Variants in PNLIP observed in about 807,000 individuals in gnomAD.
PNLIP encodes pancreatic triacylglycerol lipase.
A neutral mutation model predicts 57.1 loss-of-function variants in PNLIP; 49 were observed. That is an observed-to-expected ratio of 0.86 (90% CI 0.68 to 1.09). The LOEUF is 1.09. PNLIP is among the 50% of genes least tolerant of loss of function. PNLIP has a pLI of 0.00. For synonymous variants in PNLIP, 209 were observed against 200.4 expected (o/e 1.04, Z -0.36); for missense variants, 503 against 570.2 (o/e 0.88, Z 1.20).
chr10:116,555,615 AC>A, intron 8 of PNLIP, 108 bp downstream of exon 8: 1 of 1,232,330 alleles, frequency 8.1e-7, no homozygotes, highest in South Asian at 1.5e-5. Context: ...ATTTTACATA[AC>A]AAAAGACTTT....
intron 12 of PNLIP, among the ~76,000 whole-genome samples, chr10:116,562,521 T>C (rs1025712198): frequency 1.3e-5 from 2 of 152,106 alleles, no homozygotes; most frequent in African/African-American, 2.4e-5. Context: ...TTCAGTGGAC[T>C]CCTTAAGTTA....
At chr10:116,562,196 A>C (rs1230827850) in intron 12 of PNLIP, among the ~76,000 whole-genome samples, 1 of 152,200 alleles carries the variant, frequency 6.6e-6, no homozygotes, top group African/African-American at 2.4e-5. Context: ...AGTATTTCTG[A>C]GTATTAGGCC....
At position 116,560,468 on chromosome 10, in the gene PNLIP, C is replaced by T. The variant is rs981577414; in HGVS notation, c.1113C>T (p.His371=). 7 of 1,604,230 alleles carry T rather than the reference C, an allele frequency of 4.4e-6. No homozygotes were observed. Among genetic ancestry groups the T allele is most frequent in the African/African-American group, 4.1e-5 (3 of 74,074 alleles). Reference sequence around the variant, plus strand: ...TGTCTGGAAAAAAGGTTACAGGACACATACTAGTTTCTTTGTTCGGAAATA... The same window carrying T: ...TGTCTGGAAAAAAGGTTACAGGACATATACTAGTTTCTTTGTTCGGAAATA... ...VTLSGKKVTG[H]ILVSLFGNKG... Residue 371 remains histidine, a synonymous_variant, in exon 11 of 13, where the codon CAC becomes CAT. Coordinates refer to ENST00000369221, the MANE Select transcript of PNLIP (RefSeq NM_000936.4).
In PNLIP at chr10:116,551,126, G is replaced by C. The variant is rs753244681; in HGVS notation, c.353G>C (p.Cys118Ser). The part of the protein sequence containing the change: ...KNLFKVESVN[C>S]ICVDWKGGSR... ...CTGTTCAAGGTGGAAAGTGTGAACTGTATCTGTGTGGACTGGAAAGGTGGC... is the reference window on the plus strand; with the variant it reads ...CTGTTCAAGGTGGAAAGTGTGAACTCTATCTGTGTGGACTGGAAAGGTGGC... Residue 118 changes from cysteine to serine, a missense_variant, in exon 5 of 13, where the codon TGT becomes TCT. Coordinates refer to ENST00000369221, the MANE Select transcript of PNLIP (RefSeq NM_000936.4). 1 of 1,610,662 alleles carries C rather than the reference G, an allele frequency of 6.2e-7. No homozygotes were observed. Among genetic ancestry groups the C allele is most frequent in the Non-Finnish European group, 8.5e-7 (1 of 1,178,150 alleles).
At chr10:116,556,875 A>C (rs972046325) in intron 9 of PNLIP, among the ~76,000 whole-genome samples, 5 of 152,348 alleles carry the variant, frequency 3.3e-5, no homozygotes, top group African/African-American at 1.2e-4. Flanking sequence ...CTTAGTGATT[A>C]AGAGAGAGGA....
At chr10:116,556,865 C>A (rs961906162) in intron 9 of PNLIP, among the ~76,000 whole-genome samples, 1 of 151,920 alleles carries the variant, frequency 6.6e-6, no homozygotes, top group Non-Finnish European at 1.5e-5. Context: ...GGATATATAC[C>A]TTAGTGATTA....
chr10:116,547,455 A>G lies in PNLIP; in HGVS notation c.201+7A>G. The G allele has an allele frequency of 4.3e-6, 7 of 1,609,890 alleles. No homozygotes were observed. Among genetic ancestry groups the G allele is most frequent in the Non-Finnish European group, 5.1e-6 (6 of 1,178,358 alleles). On this transcript the variant is annotated splice_region_variant and intron_variant, in intron 3 of 12. Coordinates refer to ENST00000369221, the MANE Select transcript of PNLIP (RefSeq NM_000936.4). ...GAACCCAAACAACTTTCAAGTAAGA[A>G]CTATCACTGTGTTTAGAACTAAGTT... is the stretch of plus-strand genomic sequence containing the variant.
chr10:116,560,527 G>T lies in PNLIP; in HGVS notation c.1169+3G>T. 3.4e-6 allele frequency: 4 copies of T among 1,177,534 alleles called. No homozygotes were observed. The highest frequency in any genetic ancestry group is 3.7e-6 in the Non-Finnish European group (3 of 804,938). The allele number at this position is 1,177,534 out of a possible 1,614,324, so 72.9% of individuals were successfully genotyped here. A position where few individuals can be genotyped will look rare whatever the true frequency, so the allele number is the denominator to read the frequency against. On this transcript the variant is annotated splice_donor_region_variant and intron_variant, in intron 11 of 12. Coordinates refer to ENST00000369221, the MANE Select transcript of PNLIP (RefSeq NM_000936.4). The stretch of plus-strand genomic sequence containing the variant: ...TCTAAGCAGTATGAAATTTTCAAGT[G>T]AGTAAAATAATATTGCTCTATGCTT...
At chr10:116,548,029 A>G (rs971232958) in intron 3 of PNLIP, among the ~76,000 whole-genome samples, 1 of 152,138 alleles carries the variant, frequency 6.6e-6, no homozygotes, top group Non-Finnish European at 1.5e-5. Context: ...ATCTCCTATT[A>G]TATATATGTA....
At chr10:116,553,048 C>G (rs1847212286) in intron 5 of PNLIP, among the ~76,000 whole-genome samples, 1 of 152,194 alleles carries the variant, frequency 6.6e-6, no homozygotes, top group Non-Finnish European at 1.5e-5. Context: ...CCCAGAGCAA[C>G]TTCCAGTCCT....
At chr10:116,548,570 G>A (rs1030058508) in intron 4 of PNLIP, 88 bp downstream of exon 4, 2 of 1,392,712 alleles carry the variant, frequency 1.4e-6, no homozygotes, top group Non-Finnish European at 2.0e-6. Flanking sequence ...AATGAGGACA[G>A]TGCTTGGAGG....
At chr10:116,547,758 C>T (rs1048351939) in intron 3 of PNLIP, among the ~76,000 whole-genome samples, 126 of 146,150 alleles carry the variant, frequency 8.6e-4, no homozygotes, top group African/African-American at 3.0e-3. Context: ...AGAAGAAGAA[C>T]CAAGTTCCAC....
At chr10:116,552,266 C>G (rs1358278630) in intron 5 of PNLIP, among the ~76,000 whole-genome samples, 1 of 152,054 alleles carries the variant, frequency 6.6e-6, no homozygotes, top group East Asian at 1.9e-4. Context: ...AATAAAACAG[C>G]CTCAGGCAGA....
chr10:116,547,725 C>CAAAAAAAAAAA (rs569977938), intron 3 of PNLIP, among the ~76,000 whole-genome samples: 1 of 47,242 alleles, frequency 2.1e-5, no homozygotes. Flanking sequence ...GACTCCATCT[C>CAAAAAAAAAAA]AAAAAAAAAA....
At chr10:116,547,622 A>G (rs1014749769) in intron 3 of PNLIP, among the ~76,000 whole-genome samples, 174 bp downstream of exon 3, 22 of 151,876 alleles carry the variant, frequency 1.4e-4, no homozygotes, top group African/African-American at 5.1e-4. Context: ...GCTACTCGGG[A>G]AACTGAAGCA....
At chr10:116,562,665 T>C (rs770751368) in intron 12 of PNLIP, among the ~76,000 whole-genome samples, 3 of 152,208 alleles carry the variant, frequency 2.0e-5, no homozygotes, top group Non-Finnish European at 2.9e-5. Context: ...AAGGTACTGA[T>C]TGACCCATGT....
In PNLIP at chr10:116,553,709, A is replaced by AG; in HGVS notation, c.460-16dup. On this transcript the variant is annotated splice_polypyrimidine_tract_variant and intron_variant, in intron 5 of 12. Transcript: ENST00000369221. ...GACTGCACTTGAAAACATTCTGAAA[A>AG]GGTTTTCTTTCCGACAGTCGGCGTT... 1 of 1,506,764 alleles carries AG rather than the reference A, an allele frequency of 6.6e-7. No individual in the cohort carries two copies. The highest frequency in any genetic ancestry group is 1.4e-5 in the African/African-American group (1 of 72,960). 93.3% of individuals were successfully genotyped at this position (1,506,764 alleles called of 1,614,324 possible). A position where few individuals can be genotyped will look rare whatever the true frequency, so the allele number is the denominator to read the frequency against.
chr10:116,547,367 C>G lies in PNLIP; in HGVS notation c.120C>G (p.Pro40=). 1 of 1,613,862 alleles carries G rather than the reference C, an allele frequency of 6.2e-7. No individual in the cohort carries two copies. The highest frequency in any genetic ancestry group is 8.5e-7 in the Non-Finnish European group (1 of 1,179,806). ...DSPWSGITER[P]LHILPWSPKD... ...CATGGTCAGGAATTACGGAAAGACC[C>G]CTCCATATATTGCCTTGGTCTCCAA... The change falls in exon 3 of 13, where the codon CCC becomes CCG. Residue 40 remains proline (P), a synonymous_variant. Coordinates refer to ENST00000369221, the MANE Select transcript of PNLIP (RefSeq NM_000936.4).
intron 6 of PNLIP, among the ~76,000 whole-genome samples, chr10:116,554,399 GA>G (rs1319942026): frequency 6.6e-6 from 1 of 152,210 alleles, no homozygotes; most frequent in African/African-American, 2.4e-5. Flanking sequence ...AGTTGTCAGG[GA>G]AAAGGTGGTC....
Sources: gnomAD v4.1 joint callset for allele counts (sites outside exome capture counted in the v4.1 genomes callset) on GRCh38, gnomAD v4.1.1 for gene constraint, MANE v1.5 for transcripts, NCBI Gene and HGNC (gene_info 2026-07-23, HGNC 2026-07-21) for gene names.